Variants in CNTN4 observed in about 807,000 individuals in gnomAD.
CNTN4 encodes the protein contactin 4.
Under a neutral mutation model 122.5 loss-of-function variants are expected in CNTN4, and 77 were observed. That is an observed-to-expected ratio of 0.63 (90% CI 0.52 to 0.76). The LOEUF is 0.76. Ranked by LOEUF, CNTN4 falls within the 30% of genes least tolerant of loss-of-function variation. The probability of loss-of-function intolerance (pLI) is 0.00; values close to 1 mark genes in which losing one functional copy is unlikely to be tolerated. For missense variants in CNTN4, 1,256 were observed against 1,259.1 expected (o/e 1.00, Z 0.04); for synonymous variants, 512 against 447.0 (o/e 1.15, Z -1.83).
chr3:2,168,997 A>T (rs1213920583), intron 2 of CNTN4, among the ~76,000 whole-genome samples: 1 of 152,230 alleles, frequency 6.6e-6, no homozygotes, highest in Admixed American at 6.5e-5. Flanking sequence ...CAAGAGACAA[A>T]TCATTACCAA....
intron 3 of CNTN4, among the ~76,000 whole-genome samples, chr3:2,441,937 C>T (rs939182533): frequency 6.6e-6 from 1 of 152,102 alleles, no homozygotes; most frequent in Admixed American, 6.6e-5. Context: ...TTCTGATTAA[C>T]CTTCATTTGA....
intron 4 of CNTN4, among the ~76,000 whole-genome samples, chr3:2,650,584 C>A (rs971007545): frequency 6.6e-6 from 1 of 152,156 alleles, no homozygotes; most frequent in Non-Finnish European, 1.5e-5. Context: ...CAGCAAACTT[C>A]AATGTTGTCT....
intron 3 of CNTN4, among the ~76,000 whole-genome samples, chr3:2,548,200 T>C (rs2078327991): frequency 6.6e-6 from 1 of 152,222 alleles, no homozygotes; most frequent in African/African-American, 2.4e-5. Flanking sequence ...TTGTCTATTT[T>C]GGCTTTTGTT....
chr3:2,198,028 G>GAAAAAAAAAAAAAAA (rs5846169), intron 2 of CNTN4, among the ~76,000 whole-genome samples: 3 of 138,078 alleles, frequency 2.2e-5, no homozygotes, highest in African/African-American at 8.5e-5. Flanking sequence ...ACTCTCTCTG[G>GAAAAAAAAAAAAAAA]AAAAAAAAAA....
chr3:2,806,955 A>G (rs1236245423), intron 6 of CNTN4, among the ~76,000 whole-genome samples: 1 of 151,888 alleles, frequency 6.6e-6, no homozygotes, highest in Admixed American at 6.6e-5. Context: ...TCTCTAGCTT[A>G]TTTTTCTGTA....
intron 2 of CNTN4, among the ~76,000 whole-genome samples, chr3:2,310,549 C>T (rs2042877395): frequency 6.6e-6 from 1 of 152,128 alleles, no homozygotes; most frequent in Non-Finnish European, 1.5e-5. Context: ...CACATGCTAC[C>T]TCATCACACT....
intron 14 of CNTN4, among the ~76,000 whole-genome samples, chr3:3,015,346 G>T (rs1574828650): frequency 6.6e-6 from 1 of 151,816 alleles, no homozygotes; most frequent in South Asian, 2.1e-4. Flanking sequence ...GGACCAGACT[G>T]TTGGGGGTGG....
chr3:2,378,603 T>C (rs2045908422), intron 3 of CNTN4, among the ~76,000 whole-genome samples: 1 of 152,200 alleles, frequency 6.6e-6, no homozygotes, highest in African/African-American at 2.4e-5. Flanking sequence ...GCTTGGTTTA[T>C]CATTTCATTA....
At chr3:2,442,438 C>T (rs547082903) in intron 3 of CNTN4, among the ~76,000 whole-genome samples, 1 of 152,208 alleles carries the variant, frequency 6.6e-6, no homozygotes, top group African/African-American at 2.4e-5. Context: ...AGAAAATTAT[C>T]TTGCTATCTG....
chr3:2,713,913 G>A (rs557624946), intron 4 of CNTN4, among the ~76,000 whole-genome samples: 10 of 152,170 alleles, frequency 6.6e-5, no homozygotes, highest in Non-Finnish European at 1.2e-4. Flanking sequence ...TTTGTGATCC[G>A]TAAAATCCAG....
chr3:2,380,878 G>A (rs907039650), intron 3 of CNTN4, among the ~76,000 whole-genome samples: 7 of 152,084 alleles, frequency 4.6e-5, no homozygotes, highest in Admixed American at 3.9e-4. Flanking sequence ...GTTTATAATT[G>A]ACCAGATCAA....
chr3:2,837,362 T>G (rs1283797513), intron 7 of CNTN4, among the ~76,000 whole-genome samples: 1 of 152,180 alleles, frequency 6.6e-6, no homozygotes, highest in Non-Finnish European at 1.5e-5. Context: ...TTAAAATAGC[T>G]GTCCTTGCTT....
intron 3 of CNTN4, among the ~76,000 whole-genome samples, chr3:2,419,688 C>T (rs2047545587): frequency 6.6e-6 from 1 of 152,118 alleles, no homozygotes; most frequent in Admixed American, 6.5e-5. Flanking sequence ...TAGTGTCATG[C>T]AGAAGATGAT....
chr3:2,545,058 G>A (rs1344056000), intron 3 of CNTN4, among the ~76,000 whole-genome samples: 6 of 152,004 alleles, frequency 3.9e-5, no homozygotes, highest in African/African-American at 1.4e-4. Context: ...GCCAGAGATT[G>A]CGTTATGTTG....
intron 2 of CNTN4, among the ~76,000 whole-genome samples, chr3:2,102,676 A>C (rs984057631): frequency 2.0e-5 from 3 of 152,108 alleles, no homozygotes; most frequent in African/African-American, 4.8e-5. Context: ...ACTTGGGAGG[A>C]TGTTAATTGC....
At chr3:2,876,111 C>T (rs1031190252) in intron 8 of CNTN4, among the ~76,000 whole-genome samples, 4 of 152,298 alleles carry the variant, frequency 2.6e-5, no homozygotes, top group African/African-American at 7.2e-5. Flanking sequence ...TTTCTGAGGA[C>T]ACCTTAAAAC....
chr3:2,593,803 G>A (rs2080621155), intron 4 of CNTN4, among the ~76,000 whole-genome samples: 1 of 152,134 alleles, frequency 6.6e-6, no homozygotes, highest in African/African-American at 2.4e-5. Flanking sequence ...TTGTCATAAA[G>A]AAGAGAAGTG....
intron 2 of CNTN4, among the ~76,000 whole-genome samples, chr3:2,223,806 A>T (rs1012875214): frequency 7.9e-5 from 12 of 152,312 alleles, no homozygotes; most frequent in South Asian, 2.1e-4. Flanking sequence ...GCTTTGACAC[A>T]AGGCTGGTTA....
At chr3:2,594,073 C>T (rs1352666648) in intron 4 of CNTN4, among the ~76,000 whole-genome samples, 1 of 152,068 alleles carries the variant, frequency 6.6e-6, no homozygotes, top group Non-Finnish European at 1.5e-5. Context: ...GCCTGAAAAT[C>T]TATTGGCGTA....
Sources: gnomAD v4.1 joint callset for allele counts (sites outside exome capture counted in the v4.1 genomes callset) on GRCh38, gnomAD v4.1.1 for gene constraint, MANE v1.5 for transcripts, NCBI Gene and HGNC (gene_info 2026-07-23, HGNC 2026-07-21) for gene names.